PCBP3: variants seen among roughly 807,000 people sequenced by gnomAD.
The protein encoded by PCBP3 is poly(rC) binding protein 3.
Under a neutral mutation model 52.7 loss-of-function variants are expected in PCBP3, and 25 were observed. The observed-to-expected ratio is 0.47, with a 90% CI of 0.35 to 0.66. The LOEUF (loss-of-function observed/expected upper bound fraction) is 0.66, where lower values mean the gene tolerates loss of function less well. Ranked by LOEUF, PCBP3 falls within the 30% of genes least tolerant of loss-of-function variation. The pLI is 0.01. For missense variants in PCBP3, 391 were observed against 490.3 expected, an observed-to-expected ratio of 0.80 and a Z score of 1.91; for synonymous variants, 162 against 183.0, an observed-to-expected ratio of 0.89 and a Z score of 0.93.
intron 13 of PCBP3, among the ~76,000 whole-genome samples, chr21:45,923,077 A>G (rs1013312924): frequency 2.0e-5 from 3 of 152,240 alleles, no homozygotes; most frequent in Middle Eastern, 3.2e-3. Context: ...TGTCGGTGCC[A>G]CGCATTTCCC....
intron 4 of PCBP3, among the ~76,000 whole-genome samples, chr21:45,849,745 G>GT (rs1156364444): frequency 6.6e-6 from 1 of 152,192 alleles, no homozygotes; most frequent in Non-Finnish European, 1.5e-5. Flanking sequence ...CCTGCCTTTG[G>GT]GTTGAGTCAC....
chr21:45,889,749 G>A (rs1490652786), intron 5 of PCBP3, among the ~76,000 whole-genome samples: 1 of 152,236 alleles, frequency 6.6e-6, no homozygotes, highest in African/African-American at 2.4e-5. Context: ...CGTGAGTGCT[G>A]CTCAGCCCTC....
chr21:45,872,391 A>G (rs1281237297), intron 5 of PCBP3: 1 of 152,180 alleles, frequency 6.6e-6, no homozygotes, highest in Non-Finnish European at 1.5e-5. Context: ...GCTGTAATGA[A>G]AGCTGGAAGG....
chr21:45,789,558 C>T (rs2091397905), intron 4 of PCBP3, among the ~76,000 whole-genome samples: 1 of 152,142 alleles, frequency 6.6e-6, no homozygotes, highest in Non-Finnish European at 1.5e-5. Context: ...GGATGAGGAG[C>T]AATCCGGGCA....
intron 2 of PCBP3, among the ~76,000 whole-genome samples, chr21:45,683,557 T>A (rs998041395): frequency 2.0e-5 from 3 of 152,188 alleles, no homozygotes; most frequent in African/African-American, 2.4e-5. Flanking sequence ...AATGGCAGAT[T>A]CTCTACAAAG....
chr21:45,787,114 A>T (rs993310523), intron 4 of PCBP3, among the ~76,000 whole-genome samples: 1 of 152,252 alleles, frequency 6.6e-6, no homozygotes, highest in African/African-American at 2.4e-5. Context: ...AATAAGCCTG[A>T]ACGTTCTTGG....
intron 1 of PCBP3, among the ~76,000 whole-genome samples, chr21:45,659,178 A>G (rs1451262033): frequency 1.3e-5 from 2 of 150,876 alleles, no homozygotes; most frequent in Non-Finnish European, 2.9e-5. Context: ...CCACTTGCAA[A>G]GGTTTAGTTG....
At chr21:45,857,369 G>A (rs575898968) in intron 5 of PCBP3, among the ~76,000 whole-genome samples, 9 of 152,274 alleles carry the variant, frequency 5.9e-5, no homozygotes, top group Admixed American at 3.9e-4. Context: ...AGAACCCTTA[G>A]ATAGGAATAT....
At chr21:45,874,569 G>A (rs1236827908) in intron 5 of PCBP3, among the ~76,000 whole-genome samples, 19 of 149,556 alleles carry the variant, frequency 1.3e-4, no homozygotes, top group African/African-American at 4.4e-4. Context: ...GCAGTGGCGC[G>A]ATCTCGGCTT....
chr21:45,836,326 A>G (rs1260137331), intron 4 of PCBP3: 3 of 152,292 alleles, frequency 2.0e-5, no homozygotes, highest in Non-Finnish European at 4.4e-5. Context: ...GAGCGGCCAG[A>G]AGACAGCCCA....
chr21:45,669,817 A>G (rs558848496), intron 2 of PCBP3, among the ~76,000 whole-genome samples: 12,354 of 112,240 alleles, frequency 0.11, 637 homozygotes, highest in Middle Eastern at 0.22. Context: ...ATATATATAT[A>G]TATATATATA....
At chr21:45,806,130 C>T (rs1476387322) in intron 4 of PCBP3, among the ~76,000 whole-genome samples, 1 of 152,272 alleles carries the variant, frequency 6.6e-6, no homozygotes, top group African/African-American at 2.4e-5. Context: ...AGCAGCTCTG[C>T]ACAGAGTGTG....
chr21:45,685,559 C>G (rs1307248131), intron 2 of PCBP3, among the ~76,000 whole-genome samples: 4 of 152,226 alleles, frequency 2.6e-5, no homozygotes, highest in African/African-American at 9.6e-5. Context: ...CAACTTACTT[C>G]AGACACTGGA....
In PCBP3 at chr21:45,933,418, T is replaced by C. The variant is rs1378903207; in HGVS notation, c.857-1835T>C. ...AATGCCCTCCTAGGAAGATTTCCCATACTTTCCTCCCTTCAATCAAAATAT... is the reference window on the plus strand; with the variant it reads ...AATGCCCTCCTAGGAAGATTTCCCACACTTTCCTCCCTTCAATCAAAATAT... On this transcript the variant is annotated intron_variant, in intron 15 of 17. Coordinates refer to ENST00000681687, the MANE Select transcript of PCBP3 (RefSeq NM_001384156.1). Among the ~76,000 whole-genome samples the C allele has an allele frequency of 2.6e-5, 4 of 152,254 alleles. 1 individual carries two copies. The highest frequency in any genetic ancestry group is 5.9e-5 in the Non-Finnish European group (4 of 68,042).
At chr21:45,849,554 A>T (rs1245465506) in intron 4 of PCBP3, among the ~76,000 whole-genome samples, 2 of 152,222 alleles carry the variant, frequency 1.3e-5, no homozygotes, top group Non-Finnish European at 2.9e-5. Context: ...CCATGCTGAA[A>T]TTGAAGAAAT....
At chr21:45,885,210 C>T (rs967116030) in intron 5 of PCBP3, among the ~76,000 whole-genome samples, 4 of 152,280 alleles carry the variant, frequency 2.6e-5, no homozygotes, top group East Asian at 1.9e-4. Flanking sequence ...CTGAGCAGTT[C>T]GGGGCCACGT....
At chr21:45,659,040 T>C (rs1232594859) in intron 1 of PCBP3, among the ~76,000 whole-genome samples, 1 of 152,016 alleles carries the variant, frequency 6.6e-6, no homozygotes, top group Non-Finnish European at 1.5e-5. Context: ...CCCTCTTTTT[T>C]TCTTGGTCAT....
chr21:45,923,566 C>A (rs1010049904), intron 13 of PCBP3, among the ~76,000 whole-genome samples: 1 of 152,144 alleles, frequency 6.6e-6, no homozygotes, highest in Admixed American at 6.5e-5. Context: ...TTTACAGGAC[C>A]CTCGGGCGAC....
chr21:45,900,555 G>A, intron 7 of PCBP3, 36 bp from the exon 8 acceptor site: 2 of 1,584,490 alleles, frequency 1.3e-6, no homozygotes, highest in Non-Finnish European at 1.7e-6. Context: ...GAGCCAGAGG[G>A]ATACCTTTTC....
Sources: gnomAD v4.1 joint callset for allele counts (sites outside exome capture counted in the v4.1 genomes callset) on GRCh38, gnomAD v4.1.1 for gene constraint, MANE v1.5 for transcripts, NCBI Gene and HGNC (gene_info 2026-07-23, HGNC 2026-07-21) for gene names.